The following MALRD1 variants were observed in gnomAD, a reference collection of about 807,000 sequenced individuals.
MALRD1 encodes the protein MAM and LDL-receptor class A domain-containing protein 1.
MALRD1 carries 247 observed loss-of-function variants against 242.1 expected under a neutral mutation model. That is an observed-to-expected ratio of 1.02 (90% CI 0.92 to 1.13). The LOEUF (loss-of-function observed/expected upper bound fraction) is 1.13. Ranked by LOEUF, MALRD1 falls within the 50% of genes most tolerant of loss-of-function variation. The pLI, the probability that MALRD1 is intolerant of heterozygous loss-of-function variation, is 0.00. For synonymous variants in MALRD1, 995 were observed against 866.6 expected, an observed-to-expected ratio of 1.15 and a Z score of -2.60; for missense variants, 2,989 against 2,533.1, an observed-to-expected ratio of 1.18 and a Z score of -3.86.
intron 26 of MALRD1, among the ~76,000 whole-genome samples, chr10:19,374,244 A>C (rs1845507394): frequency 6.6e-6 from 1 of 152,336 alleles, no homozygotes; most frequent in Non-Finnish European, 1.5e-5. Context: ...TTTTCTTGTG[A>C]TACATAGAAC....
intron 38 of MALRD1, among the ~76,000 whole-genome samples, chr10:19,727,581 A>G (rs1308637152): frequency 6.6e-6 from 1 of 152,160 alleles, no homozygotes; most frequent in Non-Finnish European, 1.5e-5. Flanking sequence ...AAAAACTTAT[A>G]TGATCCATGC....
intron 10 of MALRD1, among the ~76,000 whole-genome samples, chr10:19,145,578 G>A (rs1318476880): frequency 6.6e-6 from 1 of 151,580 alleles, no homozygotes; most frequent in Non-Finnish European, 1.5e-5. Flanking sequence ...CCCAGGAGGT[G>A]GAGATTGCAT....
intron 32 of MALRD1, among the ~76,000 whole-genome samples, chr10:19,559,804 A>G (rs1453903828): frequency 6.6e-6 from 1 of 152,104 alleles, no homozygotes; most frequent in African/African-American, 2.4e-5. Flanking sequence ...AAAAAGAGAA[A>G]CAACCCCATC....
At chr10:19,460,159 C>G (rs1213218286) in intron 29 of MALRD1, among the ~76,000 whole-genome samples, 1 of 152,074 alleles carries the variant, frequency 6.6e-6, no homozygotes, top group African/African-American at 2.4e-5. Flanking sequence ...AAGGCTCCTA[C>G]TTTATACTCA....
Position 19,491,560 on chromosome 10 carries a change from G to A in MALRD1, c.5073G>A (p.Leu1691=), listed in dbSNP as rs773119582. The part of the protein sequence containing the change: ...SELCPEITDF[L]CRDKKCIASH... ...TTTGTCCGGAAATCACTGATTTTTT[G>A]TGCCGGGACAAGAAGTGCATTGCAT... The change falls in exon 30 of 40, where the codon TTG becomes TTA. Residue 1691 remains leucine (L), a synonymous_variant. Coordinates refer to ENST00000454679, the MANE Select transcript of MALRD1 (RefSeq NM_001142308.3). 3.1e-5 allele frequency: 48 copies of A among 1,550,004 alleles called. No homozygotes were observed. The highest frequency in any genetic ancestry group is 5.9e-5 in the Admixed American group (3 of 50,978).
At chr10:19,477,476 A>G (rs1375035859) in intron 29 of MALRD1, among the ~76,000 whole-genome samples, 1 of 152,088 alleles carries the variant, frequency 6.6e-6, no homozygotes, top group Non-Finnish European at 1.5e-5. Context: ...AAATAAATAA[A>G]TAAATAAATA....
At chr10:19,599,708 A>G (rs1436889002) in intron 34 of MALRD1, among the ~76,000 whole-genome samples, 2 of 152,274 alleles carry the variant, frequency 1.3e-5, no homozygotes, top group East Asian at 1.9e-4. Flanking sequence ...AGGGATAGTA[A>G]GAGTGGGGGG....
intron 13 of MALRD1, among the ~76,000 whole-genome samples, chr10:19,170,305 C>T (rs936452239): frequency 1.3e-5 from 2 of 152,236 alleles, no homozygotes; most frequent in African/African-American, 2.4e-5. Context: ...TCTTTTCCCC[C>T]TAACTATTGT....
chr10:19,444,183 A>G (rs533070386), intron 28 of MALRD1, among the ~76,000 whole-genome samples: 1 of 151,760 alleles, frequency 6.6e-6, no homozygotes, highest in South Asian at 2.1e-4. Flanking sequence ...CCATCCCTTT[A>G]TTTTGAGCCT....
intron 20 of MALRD1, among the ~76,000 whole-genome samples, chr10:19,281,455 G>T (rs1301876408): frequency 6.6e-6 from 1 of 152,176 alleles, no homozygotes; most frequent in Non-Finnish European, 1.5e-5. Context: ...TAGAGGGGAA[G>T]TTTTGATAAA....
At chr10:19,065,274 C>T (rs1163780373) in intron 1 of MALRD1, among the ~76,000 whole-genome samples, 5 of 45,302 alleles carry the variant, frequency 1.1e-4, no homozygotes, top group African/African-American at 3.2e-4. Flanking sequence ...GCAACAAGAG[C>T]AAAACGCTGT....
At chr10:19,359,377 C>T (rs1199641747) in intron 26 of MALRD1, among the ~76,000 whole-genome samples, 2 of 152,032 alleles carry the variant, frequency 1.3e-5, no homozygotes, top group African/African-American at 2.4e-5. Flanking sequence ...GTATGTTGTG[C>T]AAGAAAAATC....
intron 34 of MALRD1, among the ~76,000 whole-genome samples, chr10:19,606,946 A>G (rs1426317512): frequency 6.6e-6 from 1 of 152,126 alleles, no homozygotes; most frequent in Non-Finnish European, 1.5e-5. Context: ...TTTTAGGAAA[A>G]CTGAGCTTCC....
intron 26 of MALRD1, among the ~76,000 whole-genome samples, chr10:19,359,482 G>A (rs932729261): frequency 6.6e-6 from 1 of 152,000 alleles, no homozygotes; most frequent in African/African-American, 2.4e-5. Context: ...GTTCATCATG[G>A]GTGTTGCTGG....
chr10:19,611,107 C>T (rs1838874418), intron 35 of MALRD1, among the ~76,000 whole-genome samples: 1 of 151,954 alleles, frequency 6.6e-6, no homozygotes, highest in South Asian at 2.1e-4. Flanking sequence ...ACACACCATT[C>T]ACTAGTATAA....
chr10:19,306,227 ATATACTATACTATATATAC>A (rs1201978136), intron 21 of MALRD1, among the ~76,000 whole-genome samples: 1 of 104,188 alleles, frequency 9.6e-6, no homozygotes, highest in African/African-American at 3.3e-5. Flanking sequence ...CACATACTAT[ATATACTATACTATATATAC>A]TATACTATAG....
chr10:19,471,022 T>C (rs1168287278), intron 29 of MALRD1, among the ~76,000 whole-genome samples: 1 of 151,928 alleles, frequency 6.6e-6, no homozygotes, highest in Non-Finnish European at 1.5e-5. Context: ...CCAAGATCAA[T>C]GTCAAGGAAA....
chr10:19,583,829 A>C (rs1837252247), intron 33 of MALRD1, among the ~76,000 whole-genome samples: 1 of 152,088 alleles, frequency 6.6e-6, no homozygotes, highest in Admixed American at 6.6e-5. Context: ...CTCTGGTAGA[A>C]TTTGGCTGTG....
At chr10:19,131,316 G>A (rs1197859469) in intron 8 of MALRD1, among the ~76,000 whole-genome samples, 3 of 152,112 alleles carry the variant, frequency 2.0e-5, no homozygotes, top group Non-Finnish European at 4.4e-5. Context: ...GAATGCTGAA[G>A]GTTGTTTTCT....
Sources: allele counts gnomAD v4.1 joint callset (sites outside exome capture counted in the v4.1 genomes callset), GRCh38; gene constraint gnomAD v4.1.1; transcripts MANE v1.5; gene names NCBI Gene and HGNC (gene_info 2026-07-23, HGNC 2026-07-21).